MAP3K9: variants seen among roughly 807,000 people sequenced by gnomAD.
MAP3K9 encodes the protein mixed lineage kinase 1 (tyr and ser/thr specificity).
Under a neutral mutation model 95.8 loss-of-function variants are expected in MAP3K9, and 46 were observed. The observed-to-expected ratio is 0.48, with a 90% confidence interval of 0.38 to 0.61. The LOEUF (loss-of-function observed/expected upper bound fraction) is 0.61. MAP3K9 is among the 20% of genes least tolerant of loss of function. MAP3K9 has a pLI of 0.00. For missense variants in MAP3K9, 1,296 were observed against 1,474.3 expected, an observed-to-expected ratio of 0.88 and a Z score of 1.98; for synonymous variants, 533 against 593.8, an observed-to-expected ratio of 0.90 and a Z score of 1.49.
chr14:70,805,360 C>T (rs2054978753), intron 1 of MAP3K9, among the ~76,000 whole-genome samples: 1 of 152,174 alleles, frequency 6.6e-6, no homozygotes, highest in African/African-American at 2.4e-5. Context: ...AAACAACTCT[C>T]TTGTTAGAGA....
chr14:70,743,457 CATCT>C (rs2139736576), intron 5 of MAP3K9, among the ~76,000 whole-genome samples: 1 of 151,264 alleles, frequency 6.6e-6, no homozygotes, highest in South Asian at 2.1e-4. Flanking sequence ...GCAATCTATC[CATCT>C]GACAAAGGGC....
chr14:70,765,887 G>A lies in MAP3K9; in HGVS notation c.821-4705C>T, dbSNP rs1470640244. ...TCGCACGATGATGAAATTGCCTAAT[G>A]ATGCATTTCTCAGAATGTATCCCTG... On this transcript the variant is annotated intron_variant, in intron 2 of 11. Transcript: ENST00000554752. Among the ~76,000 whole-genome samples the A allele has an allele frequency of 5.9e-5, 9 of 152,016 alleles. No homozygotes were observed. The East Asian group carries it at 1.2e-3, about 20-fold the overall frequency.
intron 2 of MAP3K9, among the ~76,000 whole-genome samples, chr14:70,787,184 C>T (rs1297691801): frequency 6.6e-6 from 1 of 151,926 alleles, no homozygotes; most frequent in Non-Finnish European, 1.5e-5. Flanking sequence ...CTTGCAGTCA[C>T]AAGGATTTGC....
intron 8 of MAP3K9, among the ~76,000 whole-genome samples, chr14:70,736,546 T>C (rs541307459): frequency 3.3e-5 from 5 of 152,334 alleles, no homozygotes; most frequent in African/African-American, 1.2e-4. Flanking sequence ...AATTAAGTCA[T>C]ATATTTTTTA....
chr14:70,787,309 C>A (rs2054757242), intron 2 of MAP3K9, among the ~76,000 whole-genome samples: 1 of 151,866 alleles, frequency 6.6e-6, no homozygotes, highest in Non-Finnish European at 1.5e-5. Flanking sequence ...GAGTTTGAGA[C>A]CAGCCTGGCC....
At position 70,765,558 on chromosome 14, in the gene MAP3K9, T is replaced by C. The variant is rs543182986; in HGVS notation, c.821-4376A>G. On this transcript the variant is annotated intron_variant, in intron 2 of 11. Transcript: ENST00000554752. Reference sequence around the variant, plus strand: ...TACCTTTTCTACGTATAGATACATTTAGGTACACAAAGTCTTAGCACTGCA... The same window carrying C: ...TACCTTTTCTACGTATAGATACATTCAGGTACACAAAGTCTTAGCACTGCA... 53 of 597,200 alleles carry C rather than the reference T, an allele frequency of 8.9e-5. No individual in the cohort carries two copies. The East Asian group carries it at 1.4e-3, about 16-fold the overall frequency. The allele number at this position is 597,200 out of a possible 1,614,324, so 37.0% of individuals were successfully genotyped here. A position where few individuals can be genotyped will look rare whatever the true frequency, so the allele number is the denominator to read the frequency against.
intron 3 of MAP3K9, among the ~76,000 whole-genome samples, chr14:70,759,636 G>A (rs59501584): frequency 6.6e-6 from 1 of 152,160 alleles, no homozygotes; most frequent in Non-Finnish European, 1.5e-5. Flanking sequence ...AACTATAAAA[G>A]CACGCACTTC....
chr14:70,762,353 C>T (rs2054387685), intron 2 of MAP3K9, among the ~76,000 whole-genome samples: 1 of 152,172 alleles, frequency 6.6e-6, no homozygotes, highest in Non-Finnish European at 1.5e-5. Flanking sequence ...TACATTTCCA[C>T]AAGCAGACTA....
At chr14:70,749,650 C>A (rs988158635) in intron 4 of MAP3K9, 6 of 348,034 alleles carry the variant, frequency 1.7e-5, no homozygotes. Context: ...ATAAAAGTTG[C>A]TGTACTTTCT....
At chr14:70,803,096 T>G (rs931415639) in intron 1 of MAP3K9, among the ~76,000 whole-genome samples, 10 of 151,928 alleles carry the variant, frequency 6.6e-5, no homozygotes. Context: ...TCTCTCTTGC[T>G]CCTGGCTCCC....
chr14:70,743,417 T>A lies in MAP3K9; in HGVS notation c.1327-826A>T, dbSNP rs749178499. ...CAAAAGAAACTATCATCAGAGTGAATAGGCAACCTACAGAATGGGAGAAAA... is the reference window on the plus strand; with the variant it reads ...CAAAAGAAACTATCATCAGAGTGAAAAGGCAACCTACAGAATGGGAGAAAA... On this transcript the variant is annotated intron_variant, in intron 5 of 11. Coordinates refer to ENST00000554752, the MANE Select transcript of MAP3K9 (RefSeq NM_001284230.2). 2.0e-5 allele frequency among the ~76,000 whole-genome samples: 3 copies of A among 151,922 alleles called. No homozygotes were observed. In the East Asian group the frequency reaches 5.8e-4, roughly 29 times the overall value.
In MAP3K9 at chr14:70,734,334, G is replaced by A. The variant is rs2139708888; in HGVS notation, c.2026+52C>T. 6 of 1,273,254 alleles carry A rather than the reference G, an allele frequency of 4.7e-6. No homozygotes were observed. The South Asian group carries it at 5.9e-5, about 13-fold the overall frequency. The allele number at this position is 1,273,254 out of a possible 1,614,324, so 78.9% of individuals were successfully genotyped here. On this transcript the variant is annotated intron_variant, in intron 10 of 11. Coordinates refer to ENST00000554752, the MANE Select transcript of MAP3K9 (RefSeq NM_001284230.2). Reference sequence around the variant, plus strand: ...TGGTCCTAGAAGCTTGGGCAAGAATGCCCCCAGGGAGCAGGGAGACAGCCA... The same window carrying A: ...TGGTCCTAGAAGCTTGGGCAAGAATACCCCCAGGGAGCAGGGAGACAGCCA...
chr14:70,798,934 A>G (rs1205115937), intron 2 of MAP3K9, among the ~76,000 whole-genome samples: 1 of 152,210 alleles, frequency 6.6e-6, no homozygotes, highest in African/African-American at 2.4e-5. Flanking sequence ...TCTAAAATAC[A>G]TATCTAATGT....
intron 2 of MAP3K9, among the ~76,000 whole-genome samples, chr14:70,774,657 A>G (rs1383138621): frequency 1.3e-5 from 2 of 149,954 alleles, no homozygotes; most frequent in African/African-American, 4.9e-5. Context: ...TGACAGAGAG[A>G]GACTCCATCT....
chr14:70,760,768 T>C (rs771114886), intron 3 of MAP3K9, among the ~76,000 whole-genome samples: 1 of 152,064 alleles, frequency 6.6e-6, no homozygotes, highest in African/African-American at 2.4e-5. Flanking sequence ...TAGGGAGCAA[T>C]CACCAGCAAA....
At chr14:70,747,968 C>T (rs1340269659) in intron 5 of MAP3K9, among the ~76,000 whole-genome samples, 1 of 151,906 alleles carries the variant, frequency 6.6e-6, no homozygotes, top group African/African-American at 2.4e-5. Flanking sequence ...ATTAGCCGGG[C>T]GAGGTGGCGG....
chr14:70,808,954 A>C lies in MAP3K9; in HGVS notation c.218T>G (p.Leu73Arg). The change falls in exon 1 of 12, where the codon CTG becomes CGG. Residue 73 changes from leucine to arginine, a missense_variant. Physicochemically the swap from Leu to Arg is moderately radical, Grantham distance 102. Transcript: ENST00000554752. The part of the protein sequence containing the change: ...YEAAGEDELT[L>R]RLGDVVEVLS... ...CACCTCCACCACGTCGCCCAGCCGC[A>C]GGGTCAGCTCGTCCTCGCCCGCCGC... 1 of 1,579,432 alleles carries C rather than the reference A, an allele frequency of 6.3e-7. No individual in the cohort carries two copies. The highest frequency in any genetic ancestry group is 8.6e-7 in the Non-Finnish European group (1 of 1,169,184).
chr14:70,801,776 G>A (rs1182188884), intron 1 of MAP3K9, among the ~76,000 whole-genome samples: 1 of 152,194 alleles, frequency 6.6e-6, no homozygotes, highest in Non-Finnish European at 1.5e-5. Context: ...TTTGAAATTG[G>A]CCCTAAAGAG....
intron 6 of MAP3K9, among the ~76,000 whole-genome samples, chr14:70,741,485 C>T (rs1299659620): frequency 2.0e-5 from 3 of 152,152 alleles, no homozygotes; most frequent in South Asian, 4.1e-4. Context: ...TTTTAGCATT[C>T]GGCTCCCTCC....
Sources: allele counts gnomAD v4.1 joint callset (sites outside exome capture counted in the v4.1 genomes callset), GRCh38; gene constraint gnomAD v4.1.1; transcripts MANE v1.5; gene names NCBI Gene and HGNC (gene_info 2026-07-23, HGNC 2026-07-21).